The following MYO16 variants were observed in gnomAD, a reference collection of about 807,000 sequenced individuals.
MYO16 encodes unconventional myosin-XVI.
Under a neutral mutation model 205.3 loss-of-function variants are expected in MYO16, and 94 were observed. That is an observed-to-expected ratio of 0.46 (90% confidence interval 0.39 to 0.54). The LOEUF (loss-of-function observed/expected upper bound fraction) is 0.54. Among genes scored for constraint, MYO16 ranks in the 20% least tolerant of loss-of-function variants. The probability of loss-of-function intolerance (pLI) is 0.00; values close to 1 mark genes in which losing one functional copy is unlikely to be tolerated. For missense variants in MYO16, 2,315 were observed against 2,387.5 expected (o/e 0.97, Z 0.63); for synonymous variants, 988 against 954.0 (o/e 1.04, Z -0.66).
At chr13:108,540,642 T>C in the MYO16 span, among the ~76,000 whole-genome samples, 2 of 152,086 alleles carry the variant, frequency 1.3e-5, no homozygotes, top group Non-Finnish European at 2.9e-5. Context: ...ACAAATAATA[T>C]GAATAATTTT....
intron 4 of MYO16, among the ~76,000 whole-genome samples, chr13:108,761,093 TG>T (rs963934958): frequency 3.2e-4 from 49 of 152,336 alleles, no homozygotes; most frequent in African/African-American, 1.1e-3. Flanking sequence ...TATCTGTTGA[TG>T]GATACCTAAA....
chr13:109,148,389 A>G (rs1445185295), intron 32 of MYO16, among the ~76,000 whole-genome samples: 3 of 152,234 alleles, frequency 2.0e-5, no homozygotes, highest in African/African-American at 7.2e-5. Flanking sequence ...GACTTGCACT[A>G]ACTTGTGGAG....
Position 109,125,240 on chromosome 13 carries a change from G to A in MYO16, c.3664G>A (p.Val1222Ile). Residue 1222 changes from valine to isoleucine, a missense_variant, in exon 30 of 35, where the codon GTC becomes ATC. Coordinates refer to ENST00000457511, the MANE Select transcript of MYO16 (RefSeq NM_001198950.3). The surrounding 1 kb of genome is among the most constrained non-coding windows in gnomAD (Gnocchi z 4.0). ...GGGGCTGAAAACCTACGATGCCCTG[G>A]TCATTCAGAATGCTTCAGACATTGC... is the stretch of plus-strand genomic sequence containing the variant. ...DMGLKTYDAL[V>I]IQNASDIARE... The A allele has an allele frequency of 6.2e-7, 1 of 1,614,090 alleles. No homozygotes were observed. Among genetic ancestry groups the A allele is most frequent in the Non-Finnish European group, 8.5e-7 (1 of 1,180,024 alleles).
chr13:108,726,757 T>A (rs1183632964), intron 3 of MYO16, among the ~76,000 whole-genome samples: 1 of 152,072 alleles, frequency 6.6e-6, no homozygotes, highest in Non-Finnish European at 1.5e-5. Flanking sequence ...GACTTATATA[T>A]ACAATATTTA....
At chr13:108,929,523 G>T (rs960913654) in intron 16 of MYO16, among the ~76,000 whole-genome samples, 1 of 152,238 alleles carries the variant, frequency 6.6e-6, no homozygotes, top group Non-Finnish European at 1.5e-5. Flanking sequence ...ATTTGGTAAA[G>T]TTGGAAATGT....
At chr13:108,508,819 G>A in the MYO16 span, among the ~76,000 whole-genome samples, 1 of 152,180 alleles carries the variant, frequency 6.6e-6, no homozygotes, top group Admixed American at 6.5e-5. Context: ...TTCTCGTAAA[G>A]GTGTTTGGTT....
chr13:108,497,454 T>C, the MYO16 span, among the ~76,000 whole-genome samples: 1 of 152,352 alleles, frequency 6.6e-6, no homozygotes, highest in East Asian at 1.9e-4. Flanking sequence ...ATTTGATGGA[T>C]GTTTTGAAAA....
intron 27 of MYO16, among the ~76,000 whole-genome samples, chr13:109,082,274 A>G (rs1888305448): frequency 6.6e-6 from 1 of 152,222 alleles, no homozygotes. Flanking sequence ...AGACACTGCC[A>G]GATGCCCTTG....
intron 16 of MYO16, among the ~76,000 whole-genome samples, chr13:108,916,065 G>A (rs775949668): frequency 1.9e-3 from 282 of 152,316 alleles, no homozygotes; most frequent in Admixed American, 3.3e-3. Flanking sequence ...ATTTGGAGGT[G>A]AGTCTTCATA....
chr13:108,901,698 CACTTGTAT>C (rs1193065927), intron 15 of MYO16, among the ~76,000 whole-genome samples: 1 of 152,094 alleles, frequency 6.6e-6, no homozygotes, highest in Non-Finnish European at 1.5e-5. Context: ...TAGTTCTTAT[CACTTGTAT>C]TTGTTTGTTT....
rs60404877 is a variant in MYO16, at chr13:108,849,619, T to TTGTG, written c.1248+5170_1248+5173dup. On this transcript the variant is annotated intron_variant, in intron 10 of 34. Coordinates refer to ENST00000457511, the MANE Select transcript of MYO16 (RefSeq NM_001198950.3). ...TCCAAATCCTGTTGAATTTCCTCTT[T>TTGTG]TGTGTGTGTGTGTGTGTGTGTGTGT... 3.5e-3 allele frequency among the ~76,000 whole-genome samples: 294 copies of TTGTG among 83,860 alleles called. 4 individuals carry two copies. The highest frequency in any genetic ancestry group is 0.014 in the African/African-American group (278 of 19,868). 55.0% of individuals were successfully genotyped at this position (83,860 alleles called of 152,430 possible).
At chr13:108,946,452 A>G (rs1882945380) in intron 16 of MYO16, among the ~76,000 whole-genome samples, 2 of 152,174 alleles carry the variant, frequency 1.3e-5, no homozygotes, top group African/African-American at 4.8e-5. Context: ...AATGTAACCA[A>G]CTAGGTATAC....
At chr13:108,906,807 A>G (rs1294544371) in intron 15 of MYO16, among the ~76,000 whole-genome samples, 1 of 152,104 alleles carries the variant, frequency 6.6e-6, no homozygotes, top group African/African-American at 2.4e-5. Flanking sequence ...CATGTTACTG[A>G]TAGGAAAAAT....
intron 33 of MYO16, among the ~76,000 whole-genome samples, chr13:109,171,506 G>C (rs1878921250): frequency 6.6e-6 from 1 of 152,166 alleles, no homozygotes; most frequent in Non-Finnish European, 1.5e-5. Context: ...TTGTTCATTT[G>C]TTGAAATATA....
chr13:109,084,651 TATTA>T (rs1045118491), intron 27 of MYO16, among the ~76,000 whole-genome samples: 11 of 151,788 alleles, frequency 7.2e-5, no homozygotes, highest in Admixed American at 1.3e-4. Context: ...AAACATTGTA[TATTA>T]ATTATGTTAA....
intron 16 of MYO16, among the ~76,000 whole-genome samples, chr13:108,944,070 A>G (rs895412435): frequency 6.6e-6 from 1 of 152,232 alleles, no homozygotes. Flanking sequence ...AGCACAGCAC[A>G]TGAGGCTGAA....
At chr13:109,198,560 G>A (rs1880259254) in intron 34 of MYO16, among the ~76,000 whole-genome samples, 1 of 152,076 alleles carries the variant, frequency 6.6e-6, no homozygotes, top group Admixed American at 6.6e-5. Flanking sequence ...AATATATTAT[G>A]TTATATTTAT....
At chr13:108,726,289 G>T (rs1383960070) in intron 3 of MYO16, among the ~76,000 whole-genome samples, 1 of 152,130 alleles carries the variant, frequency 6.6e-6, no homozygotes, top group Non-Finnish European at 1.5e-5. Flanking sequence ...GGCTGGGTGT[G>T]GTGGTTCTCG....
chr13:108,994,661 T>C (rs1425707139), intron 21 of MYO16, among the ~76,000 whole-genome samples: 1 of 152,202 alleles, frequency 6.6e-6, no homozygotes, highest in Non-Finnish European at 1.5e-5. Flanking sequence ...TTTTATAATA[T>C]GTTTTTTATT....
Sources: allele counts gnomAD v4.1 joint callset (sites outside exome capture counted in the v4.1 genomes callset), GRCh38; gene constraint gnomAD v4.1.1; non-coding constraint Gnocchi (gnomAD v3.1); transcripts MANE v1.5; gene names NCBI Gene and HGNC (gene_info 2026-07-23, HGNC 2026-07-21).